Variants in TANK observed in about 807,000 individuals in gnomAD.
The protein encoded by TANK is TRAF family member associated NFKB activator.
TANK carries 15 observed loss-of-function variants against 43.6 expected under a neutral mutation model. The ratio of observed to expected loss-of-function variants is 0.34; its 90% CI spans 0.23 to 0.53. The LOEUF (loss-of-function observed/expected upper bound fraction) is 0.53. Among genes scored for constraint, TANK ranks in the 20% least tolerant of loss-of-function variants. The probability of loss-of-function intolerance (pLI) is 0.94; values close to 1 mark genes in which losing one functional copy is unlikely to be tolerated. For synonymous variants in TANK, 162 were observed against 178.2 expected (o/e 0.91, Z 0.73); for missense variants, 417 against 498.6 (o/e 0.84, Z 1.56).
intron 1 of TANK, among the ~76,000 whole-genome samples, chr2:161,141,447 T>C (rs57005826): frequency 0.12 from 18,715 of 152,124 alleles, 1,868 homozygotes; most frequent in African/African-American, 0.26. Flanking sequence ...AGGTTTTAAG[T>C]GCTGCATGCA....
intron 1 of TANK, chr2:161,139,650 C>T (rs1683683665): frequency 1.0e-6 from 1 of 973,408 alleles, no homozygotes; most frequent in South Asian, 4.7e-5. Context: ...ACCAAACCTA[C>T]ACGTTTCCTC....
At chr2:161,199,779 C>T (rs1344759740) in intron 2 of TANK, among the ~76,000 whole-genome samples, 1 of 152,196 alleles carries the variant, frequency 6.6e-6, no homozygotes, top group African/African-American at 2.4e-5. Context: ...CATGGTGGCT[C>T]ATGCCTGTAA....
At chr2:161,165,393 C>A (rs1160175562) in intron 1 of TANK, among the ~76,000 whole-genome samples, 1 of 152,070 alleles carries the variant, frequency 6.6e-6, no homozygotes, top group Non-Finnish European at 1.5e-5. Flanking sequence ...AGCAAATCAA[C>A]TGTTATTGTG....
chr2:161,140,642 T>C (rs1683719739), intron 1 of TANK, among the ~76,000 whole-genome samples: 1 of 152,284 alleles, frequency 6.6e-6, no homozygotes. Flanking sequence ...TATTAGTTCA[T>C]GTATTGTTAT....
At position 161,180,664 on chromosome 2, in the gene TANK, C is replaced by T. The variant is rs556134103; in HGVS notation, c.99+903C>T. Among the ~76,000 whole-genome samples, 8 of 152,244 alleles carry T rather than the reference C, an allele frequency of 5.3e-5. No individual in the cohort carries two copies. In the East Asian group the frequency reaches 1.5e-3, roughly 29 times the overall value. The stretch of plus-strand genomic sequence containing the variant: ...TTTCAGAAGTCTCCAATTTCACCTA[C>T]ACGTTCTGTGATTCCCCAGAAGGAT... On this transcript the variant is annotated intron_variant, in intron 2 of 7. Transcript: ENST00000392749.
At chr2:161,220,331 G>A (rs528671877) in intron 4 of TANK, among the ~76,000 whole-genome samples, 23 of 152,142 alleles carry the variant, frequency 1.5e-4, no homozygotes, top group African/African-American at 2.2e-4. Context: ...AGCTGGGCGC[G>A]GTGGCTCACG....
chr2:161,159,053 G>A (rs1684299408), upstream of TANK: 1 of 152,202 alleles, frequency 6.6e-6, no homozygotes, highest in Non-Finnish European at 1.5e-5. Context: ...ACCAAATGCT[G>A]GCAAGGATTT....
rs375688309 is a variant in TANK at position 161,217,585 on chromosome 2, T to TTGTGTGTGTGTGTG, written c.328-6298_328-6285dup. The stretch of plus-strand genomic sequence containing the variant: ...TCTTCAGTGTTTTCAGGTAGTTGGT[T>TTGTGTGTGTGTGTG]TGTGTGTGTGTGTGTGTGTGTGTGT... On this transcript the variant is annotated intron_variant, in intron 4 of 7. Coordinates refer to ENST00000392749, the MANE Select transcript of TANK (RefSeq NM_001199135.3). Among the ~76,000 whole-genome samples, 22 of 136,644 alleles carry TTGTGTGTGTGTGTG rather than the reference T, an allele frequency of 1.6e-4. No homozygotes were observed. The East Asian group carries it at 2.2e-3, about 14-fold the overall frequency. 89.6% of individuals were successfully genotyped at this position (136,644 alleles called of 152,430 possible). A position where few individuals can be genotyped will look rare whatever the true frequency, so the allele number is the denominator to read the frequency against.
intron 2 of TANK, 133 bp downstream of exon 2, chr2:161,179,894 T>C: frequency 7.7e-7 from 1 of 1,293,446 alleles, no homozygotes; most frequent in Non-Finnish European, 9.9e-7. Flanking sequence ...AGGTATATAT[T>C]AATGGATTAA....
intron 1 of TANK, among the ~76,000 whole-genome samples, chr2:161,173,175 G>A (rs1232342642): frequency 6.6e-6 from 1 of 152,008 alleles, no homozygotes; most frequent in Non-Finnish European, 1.5e-5. Context: ...CTTTATGTAT[G>A]GTCTTCCCTA....
chr2:161,171,749 CAG>C (rs1684948035), intron 1 of TANK, among the ~76,000 whole-genome samples: 3 of 152,240 alleles, frequency 2.0e-5, no homozygotes, highest in South Asian at 2.1e-4. Context: ...GTAAATGACT[CAG>C]GGATACTCGA....
chr2:161,153,912 G>A (rs1000822285), intron 1 of TANK, among the ~76,000 whole-genome samples: 3 of 152,098 alleles, frequency 2.0e-5, no homozygotes, highest in African/African-American at 4.8e-5. Flanking sequence ...ACATATGAAC[G>A]AGGCAACTTT....
At chr2:161,141,019 T>G (rs1450249736) in intron 1 of TANK, among the ~76,000 whole-genome samples, 2 of 152,184 alleles carry the variant, frequency 1.3e-5, no homozygotes, top group Admixed American at 1.3e-4. Context: ...CTCAAGTCCA[T>G]AGTTTATTCG....
intron 4 of TANK, among the ~76,000 whole-genome samples, chr2:161,216,180 A>G (rs916685940): frequency 6.6e-6 from 1 of 152,074 alleles, no homozygotes; most frequent in African/African-American, 2.4e-5. Flanking sequence ...TCTCTTGACT[A>G]TTTAACATTA....
At chr2:161,201,495 T>G (rs1420179608) in intron 2 of TANK, 1 of 160,998 alleles carries the variant, frequency 6.2e-6, no homozygotes, top group Non-Finnish European at 1.3e-5. Flanking sequence ...ACTTGCTAAG[T>G]TTTTTGGACT....
At chr2:161,207,272 T>A (rs1686694216) in intron 4 of TANK, 1 of 377,418 alleles carries the variant, frequency 2.6e-6, no homozygotes, top group Non-Finnish European at 3.6e-6. Context: ...TATAACTATA[T>A]TTTTGGGCAG....
chr2:161,203,399 C>T, intron 2 of TANK, 88 bp from the exon 3 acceptor site: 1 of 857,770 alleles, frequency 1.2e-6, no homozygotes, highest in South Asian at 1.8e-5. Context: ...ATGTGGGCAA[C>T]TCATATCTAT....
rs140180018 is a variant in TANK, at chr2:161,178,781, C to T, written c.-49-833C>T. 6.0e-4 allele frequency among the ~76,000 whole-genome samples: 92 copies of T among 152,142 alleles called. No homozygotes were observed. In the East Asian group the frequency reaches 0.015, roughly 25 times the overall value. On this transcript the variant is annotated intron_variant, in intron 1 of 7. Transcript: ENST00000392749. ...GAATTTTCACAAACATGAAATAACTCGGTACCCAATATAACTGATAGAGAA... is the reference window on the plus strand; with the variant it reads ...GAATTTTCACAAACATGAAATAACTTGGTACCCAATATAACTGATAGAGAA...
intron 2 of TANK, 127 bp downstream of exon 2, chr2:161,179,888 A>G (rs1050573830): frequency 1.4e-5 from 19 of 1,348,602 alleles, no homozygotes; most frequent in Middle Eastern, 4.0e-4. Flanking sequence ...AAATGCAGGT[A>G]TATATTAATG....
Sources: allele counts gnomAD v4.1 joint callset (sites outside exome capture counted in the v4.1 genomes callset), GRCh38; gene constraint gnomAD v4.1.1; transcripts MANE v1.5; gene names NCBI Gene and HGNC (gene_info 2026-07-23, HGNC 2026-07-21).